Variants in GALNTL6 observed in about 807,000 individuals in gnomAD.
The protein encoded by GALNTL6 is polypeptide N-acetylgalactosaminyltransferase-like 6.
A neutral mutation model predicts 73.7 loss-of-function variants in GALNTL6; 46 were observed. That is an observed-to-expected ratio of 0.62 (90% CI 0.49 to 0.80). GALNTL6 has a LOEUF of 0.80. Among genes scored for constraint, GALNTL6 ranks in the 30% least tolerant of loss-of-function variants. GALNTL6 has a pLI of 0.00. For synonymous variants in GALNTL6, 259 were observed against 263.7 expected (o/e 0.98, Z 0.17); for missense variants, 604 against 755.0 (o/e 0.80, Z 2.34).
chr4:172,824,532 CTGTG>C (rs952417511), intron 7 of GALNTL6, among the ~76,000 whole-genome samples: 1 of 151,840 alleles, frequency 6.6e-6, no homozygotes, highest in Non-Finnish European at 1.5e-5. Context: ...GTCAATGTGT[CTGTG>C]TATGTGTAAA....
intron 2 of GALNTL6, among the ~76,000 whole-genome samples, chr4:172,152,510 G>A (rs1282851030): frequency 6.6e-6 from 1 of 152,200 alleles, no homozygotes; most frequent in Non-Finnish European, 1.5e-5. Context: ...TGAATGAGAA[G>A]CCATTTGCCT....
At chr4:172,271,656 G>A (rs1738658112) in intron 3 of GALNTL6, among the ~76,000 whole-genome samples, 1 of 151,772 alleles carries the variant, frequency 6.6e-6, no homozygotes, top group Non-Finnish European at 1.5e-5. Context: ...TGCATATATT[G>A]AAGTATGTAT....
chr4:172,477,107 A>G (rs1338054234), intron 5 of GALNTL6, among the ~76,000 whole-genome samples: 1 of 151,192 alleles, frequency 6.6e-6, no homozygotes, highest in Non-Finnish European at 1.5e-5. Flanking sequence ...TTGTATTTTT[A>G]CTAGAGATGG....
At chr4:171,883,609 G>A (rs1261378022) in intron 2 of GALNTL6, among the ~76,000 whole-genome samples, 5 of 151,726 alleles carry the variant, frequency 3.3e-5, no homozygotes, top group Non-Finnish European at 7.4e-5. Context: ...AGGTTTGTCT[G>A]AGGATCTAAA....
chr4:172,246,167 G>C lies in GALNTL6; in HGVS notation c.247+16403G>C, dbSNP rs551881347. Among the ~76,000 whole-genome samples the C allele has an allele frequency of 2.0e-5, 3 of 152,232 alleles. No homozygotes were observed. The South Asian group carries it at 6.2e-4, about 32-fold the overall frequency. On this transcript the variant is annotated intron_variant, in intron 3 of 12. Coordinates refer to ENST00000506823, the MANE Select transcript of GALNTL6 (RefSeq NM_001034845.3). ...TGGTGTACTGATGTGAAATGACCAG[G>C]AGAGCACAATAGAATTAGCGTTACT...
At chr4:172,615,873 A>G (rs13103894) in intron 5 of GALNTL6, among the ~76,000 whole-genome samples, 1 of 152,232 alleles carries the variant, frequency 6.6e-6, no homozygotes, top group Admixed American at 6.5e-5. Flanking sequence ...GTAAGATCAG[A>G]CAATTTCTGA....
chr4:172,082,762 C>T (rs900014561), intron 2 of GALNTL6, among the ~76,000 whole-genome samples: 2 of 152,028 alleles, frequency 1.3e-5, no homozygotes, highest in African/African-American at 4.8e-5. Flanking sequence ...TCAGCAGAGT[C>T]GTGAAGCTCA....
chr4:172,828,985 C>A (rs1402221787), intron 7 of GALNTL6, among the ~76,000 whole-genome samples: 1 of 152,212 alleles, frequency 6.6e-6, no homozygotes, highest in Non-Finnish European at 1.5e-5. Context: ...CCCTCTGAAA[C>A]ACTGGGGAAG....
At chr4:172,968,044 C>T (rs1157646343) in intron 10 of GALNTL6, among the ~76,000 whole-genome samples, 3 of 152,072 alleles carry the variant, frequency 2.0e-5, no homozygotes, top group Non-Finnish European at 4.4e-5. Flanking sequence ...ATCATCAAGA[C>T]CAGACAGAAC....
At chr4:171,911,208 G>A (rs918270932) in intron 2 of GALNTL6, among the ~76,000 whole-genome samples, 3 of 152,078 alleles carry the variant, frequency 2.0e-5, no homozygotes, top group Non-Finnish European at 2.9e-5. Context: ...CACCCAGGCT[G>A]GAGTGCATTG....
chr4:172,600,382 A>C (rs1201308558), intron 5 of GALNTL6, among the ~76,000 whole-genome samples: 1 of 152,152 alleles, frequency 6.6e-6, no homozygotes, highest in Admixed American at 6.6e-5. Flanking sequence ...ACATATTTAA[A>C]ACCACAGTGC....
chr4:172,038,373 G>A (rs1741997233), intron 2 of GALNTL6, among the ~76,000 whole-genome samples: 2 of 151,912 alleles, frequency 1.3e-5, no homozygotes, highest in African/African-American at 4.8e-5. Flanking sequence ...TCAACGCAAG[G>A]CCAATTTGCT....
At chr4:172,481,090 G>A (rs950466441) in intron 5 of GALNTL6, among the ~76,000 whole-genome samples, 7 of 152,286 alleles carry the variant, frequency 4.6e-5, no homozygotes, top group South Asian at 2.1e-4. Context: ...TGGTGTGTCC[G>A]GAGTTTGTTA....
chr4:172,531,051 G>T (rs1445883746), intron 5 of GALNTL6, among the ~76,000 whole-genome samples: 1 of 152,134 alleles, frequency 6.6e-6, no homozygotes, highest in Non-Finnish European at 1.5e-5. Context: ...AAATTGGTTT[G>T]TATTTAGATC....
chr4:171,997,254 T>A (rs536729089), intron 2 of GALNTL6, among the ~76,000 whole-genome samples: 2 of 152,212 alleles, frequency 1.3e-5, no homozygotes, highest in South Asian at 2.1e-4. Context: ...GCAACTTCCC[T>A]AGCTCCATAC....
intron 5 of GALNTL6, among the ~76,000 whole-genome samples, chr4:172,459,433 T>A (rs1561092696): frequency 6.6e-6 from 1 of 152,224 alleles, no homozygotes; most frequent in Non-Finnish European, 1.5e-5. Flanking sequence ...TGCCTCTGTA[T>A]GCAGATGACA....
intron 2 of GALNTL6, among the ~76,000 whole-genome samples, chr4:172,210,338 T>A (rs1298340635): frequency 6.6e-6 from 1 of 152,108 alleles, no homozygotes; most frequent in Non-Finnish European, 1.5e-5. Context: ...TATATATCTT[T>A]AGTTTTTACC....
intron 5 of GALNTL6, among the ~76,000 whole-genome samples, chr4:172,521,742 A>G (rs1734780615): frequency 6.6e-6 from 1 of 152,232 alleles, no homozygotes; most frequent in Admixed American, 6.5e-5. Context: ...TTGTACAATT[A>G]AATCTATTTC....
At chr4:172,023,877 C>G (rs1741475854) in intron 2 of GALNTL6, among the ~76,000 whole-genome samples, 1 of 151,808 alleles carries the variant, frequency 6.6e-6, no homozygotes, top group Non-Finnish European at 1.5e-5. Flanking sequence ...ACTCTCAGTG[C>G]CTTGTAATTA....
Sources: gnomAD v4.1 joint callset for allele counts (sites outside exome capture counted in the v4.1 genomes callset) on GRCh38, gnomAD v4.1.1 for gene constraint, MANE v1.5 for transcripts, NCBI Gene and HGNC (gene_info 2026-07-23, HGNC 2026-07-21) for gene names.